ANK1: variants seen among roughly 807,000 people sequenced by gnomAD.
ANK1 encodes the protein ankyrin-1.
ANK1 carries 51 observed loss-of-function variants against 210.4 expected under a neutral mutation model. That is an observed-to-expected ratio of 0.24 (90% CI 0.19 to 0.31). The LOEUF (loss-of-function observed/expected upper bound fraction) is 0.31, where lower values mean the gene tolerates loss of function less well. Among genes scored for constraint, ANK1 ranks in the 10% least tolerant of loss-of-function variants. ANK1 has a pLI of 1.00. For synonymous variants in ANK1, 967 were observed against 1,025.9 expected (o/e 0.94, Z 1.10); for missense variants, 2,051 against 2,504.4 (o/e 0.82, Z 3.86).
intron 37 of ANK1, among the ~76,000 whole-genome samples, chr8:41,682,569 G>C (rs938674747): frequency 3.0e-4 from 45 of 152,364 alleles, no homozygotes; most frequent in Middle Eastern, 3.4e-3. Context: ...CCCTGAAGCA[G>C]AGCCCTTTCA....
At chr8:41,745,743 G>C (rs1835961459) in intron 2 of ANK1, among the ~76,000 whole-genome samples, 1 of 152,132 alleles carries the variant, frequency 6.6e-6, no homozygotes, top group African/African-American at 2.4e-5. Context: ...ATGTTGCCCA[G>C]GCTGGAGTAC....
chr8:41,816,199 C>A (rs145556452), intron 1 of ANK1, among the ~76,000 whole-genome samples: 3 of 152,160 alleles, frequency 2.0e-5, no homozygotes, highest in Non-Finnish European at 4.4e-5. Context: ...TTTCATAGCA[C>A]CTGCATGTTA....
intron 21 of ANK1, 126 bp from the exon 22 acceptor site, chr8:41,701,748 G>C: frequency 9.7e-7 from 1 of 1,025,990 alleles, no homozygotes; most frequent in Non-Finnish European, 1.5e-6. Flanking sequence ...CGGAGGAGGC[G>C]CTCAGCCTGG....
At chr8:41,849,648 G>T (rs147473907) in intron 1 of ANK1, among the ~76,000 whole-genome samples, 1 of 152,282 alleles carries the variant, frequency 6.6e-6, no homozygotes, top group East Asian at 1.9e-4. Context: ...CCACCGCCGC[G>T]CAGGGAAGGT....
intron 1 of ANK1, among the ~76,000 whole-genome samples, chr8:41,793,711 A>G (rs1563786337): frequency 6.6e-6 from 1 of 152,210 alleles, no homozygotes; most frequent in Non-Finnish European, 1.5e-5. Context: ...GTTCCGCTTT[A>G]TCCATGCCAA....
chr8:41,797,154 G>C lies in ANK1; in HGVS notation c.27+358C>G, dbSNP rs1453236281. Among the ~76,000 whole-genome samples the C allele has an allele frequency of 6.6e-6, 1 of 152,132 alleles. No individual in the cohort carries two copies. The highest frequency in any genetic ancestry group is 1.5e-5 in the Non-Finnish European group (1 of 68,028). ...CACACCTACAAAACGCAGTTTAGCAGACTCAAAGGAAAGCCTCTAAGATCT... is the reference window on the plus strand; with the variant it reads ...CACACCTACAAAACGCAGTTTAGCACACTCAAAGGAAAGCCTCTAAGATCT... On this transcript the variant is annotated intron_variant, in intron 1 of 42. Transcript: ENST00000289734. The surrounding 1 kb of genome is among the most constrained non-coding windows in gnomAD (Gnocchi z 4.0).
At chr8:41,716,806 T>A (rs967530746) in intron 13 of ANK1, 147 bp downstream of exon 13, 2 of 823,614 alleles carry the variant, frequency 2.4e-6, no homozygotes, top group Non-Finnish European at 4.3e-6. Flanking sequence ...CAAAGCAGAA[T>A]CTGGGCGCTC....
rs748486194 is a variant in ANK1, at chr8:41,694,512, G to A, written c.3327+80C>T. On this transcript the variant is annotated intron_variant, in intron 28 of 42. Transcript: ENST00000289734. This position sits in a 1 kb window ranked among gnomAD's most constrained non-coding sequence, Gnocchi z 5.7. ...AAGCACCAGACAAAAGTGTGGGGATGTCCTGGGGAAGAGGGTGGCCTTCCC... is the reference window on the plus strand; with the variant it reads ...AAGCACCAGACAAAAGTGTGGGGATATCCTGGGGAAGAGGGTGGCCTTCCC... 49 of 1,360,604 alleles carry A rather than the reference G, an allele frequency of 3.6e-5. No individual in the cohort carries two copies. The highest frequency in any genetic ancestry group is 4.8e-5 in the Non-Finnish European group (47 of 973,812). The allele number at this position is 1,360,604 out of a possible 1,614,324, so 84.3% of individuals were successfully genotyped here.
Position 41,694,081 on chromosome 8 carries a change from G to C in ANK1, c.3349C>G (p.Leu1117Val). The C allele has an allele frequency of 6.2e-7, 1 of 1,614,058 alleles. No individual in the cohort carries two copies. Among genetic ancestry groups the C allele is most frequent in the Non-Finnish European group, 8.5e-7 (1 of 1,179,986 alleles). The part of the protein sequence containing the change: ...ALQAQPVPDE[L>V]VTKLLGNQAT... ...TGGTTGCCCAGGAGCTTAGTGACAA[G>C]CTCATCCGGGACAGGCTGGGCCTGT... The change falls in exon 29 of 43, where the codon CTT becomes GTT. Residue 1117 changes from leucine to valine, a missense_variant. By Grantham distance (32) the Leu-to-Val change is conservative. Coordinates refer to ENST00000289734, the MANE Select transcript of ANK1 (RefSeq NM_000037.4). The surrounding 1 kb of genome is among the most constrained non-coding windows in gnomAD (Gnocchi z 5.7).
chr8:41,734,094 G>A (rs761993885), intron 2 of ANK1, 25 bp from the exon 3 acceptor site: 3 of 1,598,910 alleles, frequency 1.9e-6, no homozygotes, highest in Admixed American at 3.3e-5. Context: ...GAGGCGGGAA[G>A]GGCATGGTTA....
At chr8:41,803,060 A>AAAGGAAGG (rs66466616) in intron 1 of ANK1, among the ~76,000 whole-genome samples, 2,132 of 58,856 alleles carry the variant, frequency 0.036, 79 homozygotes, top group Admixed American at 0.047. Flanking sequence ...AGAAAGAGAG[A>AAAGGAAGG]AAGGAAGGAA....
intron 1 of ANK1, among the ~76,000 whole-genome samples, chr8:41,774,063 C>G (rs1050737456): frequency 3.3e-5 from 5 of 151,956 alleles, no homozygotes; most frequent in African/African-American, 1.2e-4. Flanking sequence ...GAACAAAATG[C>G]CTTGAGATTA....
At chr8:41,758,158 C>T (rs753389981) in intron 1 of ANK1, 21 bp from the exon 2 acceptor site, 52 of 1,605,372 alleles carry the variant, frequency 3.2e-5, no homozygotes, top group East Asian at 6.7e-5. Flanking sequence ...AAACAACAGG[C>T]GGTGAGTGTC....
intron 1 of ANK1, among the ~76,000 whole-genome samples, chr8:41,893,713 A>G (rs1482210565): frequency 6.6e-6 from 1 of 152,160 alleles, no homozygotes; most frequent in Non-Finnish European, 1.5e-5. Context: ...CAAGAGGCCA[A>G]TGTCCTGGAG....
chr8:41,776,902 C>T (rs1254862719), intron 1 of ANK1, among the ~76,000 whole-genome samples: 1 of 152,238 alleles, frequency 6.6e-6, no homozygotes, highest in Non-Finnish European at 1.5e-5. Flanking sequence ...GTCCTGTTTT[C>T]TCTTTACTAC....
At chr8:41,788,592 T>G (rs1846939037) in intron 1 of ANK1, among the ~76,000 whole-genome samples, 1 of 152,176 alleles carries the variant, frequency 6.6e-6, no homozygotes. Context: ...ATGTGGCCAC[T>G]GTAAGCATTA....
At chr8:41,757,036 G>T (rs1839327634) in intron 2 of ANK1, among the ~76,000 whole-genome samples, 1 of 152,238 alleles carries the variant, frequency 6.6e-6, no homozygotes, top group Non-Finnish European at 1.5e-5. Flanking sequence ...GGGCTGGGGA[G>T]TAGTCGGAAA....
intron 42 of ANK1, among the ~76,000 whole-genome samples, chr8:41,657,005 G>T (rs992629744): frequency 1.3e-5 from 2 of 152,004 alleles, no homozygotes; most frequent in Non-Finnish European, 2.9e-5. Flanking sequence ...CTCTGAACAC[G>T]CTCTACCCTC....
chr8:41,672,692 C>T lies in ANK1; in HGVS notation c.4758G>A (p.Glu1586=), dbSNP rs1252514180. The T allele has an allele frequency of 6.2e-7, 1 of 1,613,900 alleles. No homozygotes were observed. The highest frequency in any genetic ancestry group is 8.5e-7 in the Non-Finnish European group (1 of 1,179,778). Residue 1586 remains glutamate, a synonymous_variant, in exon 38 of 43, where the codon GAG becomes GAA. Transcript: ENST00000289734. The part of the protein sequence containing the change: ...SLVTAEDSSL[E]CSKAEDSDAT... ...CATCAGAGTCCTCAGCCTTGCTACA[C>T]TCCAGAGAGGAGTCCTCAGCAGTGA...
Sources: gnomAD v4.1 joint callset for allele counts (sites outside exome capture counted in the v4.1 genomes callset) on GRCh38, gnomAD v4.1.1 for gene constraint, Gnocchi (gnomAD v3.1) non-coding constraint, MANE v1.5 for transcripts, NCBI Gene and HGNC (gene_info 2026-07-23, HGNC 2026-07-21) for gene names.